KIAA1671: variants seen among roughly 807,000 people sequenced by gnomAD.
KIAA1671 encodes the protein uncharacterized protein KIAA1671.
In KIAA1671, 52 loss-of-function variants were observed where a neutral mutation model predicts 131.2. That is an observed-to-expected ratio of 0.40 (90% CI 0.32 to 0.50). KIAA1671 has a LOEUF of 0.50. Ranked by LOEUF, KIAA1671 falls within the 20% of genes least tolerant of loss-of-function variation. KIAA1671 has a pLI of 0.73. For missense variants in KIAA1671, 2,360 were observed against 2,364.2 expected (o/e 1.00, Z 0.04); for synonymous variants, 1,003 against 961.6 (o/e 1.04, Z -0.80).
intron 6 of KIAA1671, among the ~76,000 whole-genome samples, chr22:25,103,371 C>T (rs988147730): frequency 3.3e-5 from 5 of 151,964 alleles, no homozygotes; most frequent in Non-Finnish European, 5.9e-5. Context: ...CCACCGCACC[C>T]GGCTAAAGAC....
intron 6 of KIAA1671, among the ~76,000 whole-genome samples, chr22:25,089,647 A>G (rs896161762): frequency 6.6e-6 from 1 of 152,102 alleles, no homozygotes; most frequent in Non-Finnish European, 1.5e-5. Flanking sequence ...TCTTTTTCTC[A>G]TAATGATGAG....
chr22:25,148,243 C>G (rs1430217547), intron 6 of KIAA1671, among the ~76,000 whole-genome samples: 1 of 150,876 alleles, frequency 6.6e-6, no homozygotes, highest in East Asian at 2.0e-4. Context: ...CTGGCACCCC[C>G]CTCAGTCCCA....
chr22:24,977,992 C>T (rs887418432), intron 1 of KIAA1671, among the ~76,000 whole-genome samples: 3 of 152,108 alleles, frequency 2.0e-5, no homozygotes, highest in African/African-American at 4.8e-5. Context: ...ATGATCATGG[C>T]CACCACCACC....
chr22:24,994,632 C>T (rs1198192229), intron 1 of KIAA1671, among the ~76,000 whole-genome samples: 5 of 152,152 alleles, frequency 3.3e-5, no homozygotes, highest in East Asian at 3.9e-4. Flanking sequence ...AGGCAGAGGG[C>T]GACCGTGGCT....
chr22:24,990,495 C>G (rs1923779868), intron 1 of KIAA1671, among the ~76,000 whole-genome samples: 1 of 152,196 alleles, frequency 6.6e-6, no homozygotes, highest in South Asian at 2.1e-4. Context: ...CCTGGCCCCA[C>G]ACACACCATG....
intron 6 of KIAA1671, among the ~76,000 whole-genome samples, chr22:25,083,116 A>C (rs1929503905): frequency 6.6e-6 from 1 of 152,212 alleles, no homozygotes; most frequent in Non-Finnish European, 1.5e-5. Flanking sequence ...CTTAAACAGA[A>C]GAAATGTATT....
chr22:25,097,444 C>T (rs1288676878), intron 6 of KIAA1671, among the ~76,000 whole-genome samples: 1 of 152,152 alleles, frequency 6.6e-6, no homozygotes, highest in African/African-American at 2.4e-5. Context: ...AGTTTTGCAC[C>T]TTCAAAAGGT....
In KIAA1671 at chr22:25,029,106, C is replaced by T; in HGVS notation, c.1107C>T (p.Ala369=). ...AGCCGGAGATGGGCAGCCCCAGAGCCCTGGTGGGGGGCTCATCTGGGGTCA... is the reference window on the plus strand; with the variant it reads ...AGCCGGAGATGGGCAGCCCCAGAGCTCTGGTGGGGGGCTCATCTGGGGTCA... The part of the protein sequence containing the change: ...LSKPEMGSPR[A]LVGGSSGVTP... The change falls in exon 3 of 13, where the codon GCC becomes GCT. Residue 369 remains alanine, a synonymous_variant. Transcript: ENST00000358431. 2 of 1,473,930 alleles carry T rather than the reference C, an allele frequency of 1.4e-6. No individual in the cohort carries two copies. The highest frequency in any genetic ancestry group is 2.8e-5 in the South Asian group (2 of 70,228). The allele number at this position is 1,473,930 out of a possible 1,614,324, so 91.3% of individuals were successfully genotyped here. A position where few individuals can be genotyped will look rare whatever the true frequency, so the allele number is the denominator to read the frequency against.
intron 6 of KIAA1671, among the ~76,000 whole-genome samples, chr22:25,154,462 C>T (rs979996182): frequency 9.2e-5 from 14 of 152,378 alleles, no homozygotes; most frequent in African/African-American, 3.4e-4. Context: ...GATATACCAT[C>T]CACTTGGGTG....
rs574809404 is a variant in KIAA1671, at chr22:25,000,770, G to A, written c.-207-24863G>A. On this transcript the variant is annotated intron_variant, in intron 1 of 12. Transcript: ENST00000358431. Reference sequence around the variant, plus strand: ...GGCCTCAAGTGAATCCGCCTGCCTCGGCCTCCGGAAGTGCAAGGATTACAG... The same window carrying A: ...GGCCTCAAGTGAATCCGCCTGCCTCAGCCTCCGGAAGTGCAAGGATTACAG... Among the ~76,000 whole-genome samples, 705 of 151,640 alleles carry A rather than the reference G, an allele frequency of 4.6e-3. 3 individuals are homozygous for A. The highest frequency in any genetic ancestry group is 0.016 in the African/African-American group (649 of 41,376).
At chr22:25,007,415 G>A (rs889320791) in intron 1 of KIAA1671, among the ~76,000 whole-genome samples, 1 of 151,226 alleles carries the variant, frequency 6.6e-6, no homozygotes, top group East Asian at 1.9e-4. Context: ...GAACCTGGGA[G>A]GTGGAGGTTG....
Position 24,968,098 on chromosome 22 carries a change from G to C in KIAA1671, c.-208+15326G>C, listed in dbSNP as rs142836975. On this transcript the variant is annotated intron_variant, in intron 1 of 12. Coordinates refer to ENST00000358431, the MANE Select transcript of KIAA1671 (RefSeq NM_001145206.2). ...GCCTGGTTACTGTCAGATTTAACTC[G>C]AGAAAGGCAGTGGTAATGCTTCCAA... Among the ~76,000 whole-genome samples the C allele has an allele frequency of 4.2e-3, 637 of 152,298 alleles. 2 individuals carry two copies. The highest frequency in any genetic ancestry group is 0.015 in the African/African-American group (609 of 41,566).
intron 6 of KIAA1671, among the ~76,000 whole-genome samples, chr22:25,109,359 C>T (rs896670412): frequency 1.3e-5 from 2 of 152,126 alleles, no homozygotes; most frequent in South Asian, 2.1e-4. Context: ...CCACCCGCCT[C>T]GGCCTCCCAA....
intron 6 of KIAA1671, among the ~76,000 whole-genome samples, chr22:25,107,031 C>G (rs1931044743): frequency 6.6e-6 from 1 of 152,192 alleles, no homozygotes; most frequent in South Asian, 2.1e-4. Flanking sequence ...CCACCCCAAC[C>G]TTTTGTTATG....
At chr22:25,145,198 C>T (rs1248841044) in intron 6 of KIAA1671, among the ~76,000 whole-genome samples, 1 of 152,226 alleles carries the variant, frequency 6.6e-6, no homozygotes, top group Non-Finnish European at 1.5e-5. Flanking sequence ...CGCCTGTCAA[C>T]ATTCTATAAA....
At chr22:25,154,129 G>T (rs1238367179) in intron 6 of KIAA1671, among the ~76,000 whole-genome samples, 1 of 152,242 alleles carries the variant, frequency 6.6e-6, no homozygotes, top group Non-Finnish European at 1.5e-5. Flanking sequence ...GTGCCCGAAA[G>T]CCTGCCTATG....
chr22:25,078,229 A>T (rs549245474), intron 6 of KIAA1671, among the ~76,000 whole-genome samples: 1 of 152,118 alleles, frequency 6.6e-6, no homozygotes, highest in Non-Finnish European at 1.5e-5. Flanking sequence ...ATAGGTGCTT[A>T]ATAGATGTGG....
chr22:25,176,855 C>T, intron 8 of KIAA1671: 1 of 152,642 alleles, frequency 6.6e-6, no homozygotes, highest in Non-Finnish European at 1.5e-5. Context: ...TTCCCACCTG[C>T]ACCCTAGATT....
At chr22:25,104,063 C>T (rs951389602) in intron 6 of KIAA1671, among the ~76,000 whole-genome samples, 18 of 152,272 alleles carry the variant, frequency 1.2e-4, no homozygotes, top group South Asian at 8.3e-4. Context: ...ACTGCAACCT[C>T]GGCCTCCTGG....
Sources: gnomAD v4.1 joint callset for allele counts (sites outside exome capture counted in the v4.1 genomes callset) on GRCh38, gnomAD v4.1.1 for gene constraint, MANE v1.5 for transcripts, NCBI Gene and HGNC (gene_info 2026-07-23, HGNC 2026-07-21) for gene names.